Variants in HECW2 observed in about 807,000 individuals in gnomAD.
HECW2 encodes the protein E3 ubiquitin-protein ligase HECW2.
In HECW2, 61 loss-of-function variants were observed where a neutral mutation model predicts 175.2. That is an observed-to-expected ratio of 0.35 (90% CI 0.28 to 0.43). The LOEUF (loss-of-function observed/expected upper bound fraction) is 0.43. HECW2 is among the 20% of genes least tolerant of loss of function. HECW2 has a pLI of 1.00. For missense variants in HECW2, 1,524 were observed against 2,000.5 expected, an observed-to-expected ratio of 0.76 and a Z score of 4.54; for synonymous variants, 671 against 731.0, an observed-to-expected ratio of 0.92 and a Z score of 1.32.
At chr2:196,554,511 C>T (rs1410510984) in intron 1 of HECW2, among the ~76,000 whole-genome samples, 2 of 152,104 alleles carry the variant, frequency 1.3e-5, no homozygotes, top group East Asian at 1.9e-4. Context: ...AGTTGAAGCC[C>T]TGAGACCTTA....
intron 2 of HECW2, among the ~76,000 whole-genome samples, chr2:196,377,965 A>G (rs986192740): frequency 8.5e-5 from 13 of 152,238 alleles, no homozygotes; most frequent in African/African-American, 2.9e-4. Flanking sequence ...CAGTCTCACA[A>G]AGCATTTCTG....
At chr2:196,298,312 GA>G (rs1690894390) in intron 13 of HECW2, among the ~76,000 whole-genome samples, 1 of 152,010 alleles carries the variant, frequency 6.6e-6, no homozygotes, top group Non-Finnish European at 1.5e-5. Context: ...ACAACCATTA[GA>G]GGGCAGTAGA....
chr2:196,470,798 T>A (rs1697165335), intron 1 of HECW2, among the ~76,000 whole-genome samples: 1 of 152,094 alleles, frequency 6.6e-6, no homozygotes, highest in Non-Finnish European at 1.5e-5. Context: ...AAAGACAACA[T>A]TTTTTAAAAG....
intron 2 of HECW2, among the ~76,000 whole-genome samples, chr2:196,412,417 C>T (rs1440687276): frequency 6.6e-6 from 1 of 152,190 alleles, no homozygotes; most frequent in Non-Finnish European, 1.5e-5. Flanking sequence ...AATAAGACCA[C>T]ATTCTGAGGT....
In HECW2 at chr2:196,307,224, A is replaced by G; in HGVS notation, c.2595T>C (p.Ser865=). Residue 865 remains serine, a synonymous_variant, in exon 12 of 29, where the codon AGT becomes AGC. Transcript: ENST00000644978. The stretch of plus-strand genomic sequence containing the variant: ...TCTCATTGGTCATGGTTCTGCGGAT[A>G]CTCTGATATCTAAAATCATGAGCCT... ...QMEQLNRRYQ[S]IRRTMTNERP... 6.2e-7 allele frequency: 1 copy of G among 1,607,622 alleles called. No individual in the cohort carries two copies. Among genetic ancestry groups the G allele is most frequent in the Non-Finnish European group, 8.5e-7 (1 of 1,174,120 alleles).
Position 196,220,160 on chromosome 2 carries a change from A to T in HECW2, c.4294-7T>A. ...CCAGCCTGGCATCCACCACCTGTGG[A>T]ATAAAAAGAGTACAAGGCATGGCTT... On this transcript the variant is annotated splice_region_variant and splice_polypyrimidine_tract_variant and intron_variant, in intron 25 of 28. Transcript: ENST00000644978. 1 of 1,584,118 alleles carries T rather than the reference A, an allele frequency of 6.3e-7. No homozygotes were observed. The highest frequency in any genetic ancestry group is 1.3e-5 in the African/African-American group (1 of 74,458).
Position 196,353,133 on chromosome 2 carries a change from C to A in HECW2, c.293-9369G>T, listed in dbSNP as rs547453408. Among the ~76,000 whole-genome samples the A allele has an allele frequency of 5.7e-4, 87 of 152,286 alleles. 1 individual carries two copies. The highest frequency in any genetic ancestry group is 2.0e-3 in the African/African-American group (82 of 41,560). On this transcript the variant is annotated intron_variant, in intron 2 of 28. Transcript: ENST00000644978. ...CCTTACCCCCTTCCAGCCACATTGA[C>A]CTCCCTGATGTCCCCAAAGGTGTGG...
chr2:196,432,855 C>T (rs1235805332), intron 2 of HECW2, among the ~76,000 whole-genome samples: 1 of 152,152 alleles, frequency 6.6e-6, no homozygotes, highest in Non-Finnish European at 1.5e-5. Context: ...GGTGCAATTA[C>T]TTTTGCATCG....
rs543520563 is a variant in HECW2 at position 196,195,631 on chromosome 2, C to T, written c.*5646G>A. 2.0e-5 allele frequency: 3 copies of T among 152,174 alleles called. No individual in the cohort carries two copies. Among genetic ancestry groups the T allele is most frequent in the African/African-American group, 4.8e-5 (2 of 41,454 alleles). The allele number at this position is 152,174 out of a possible 1,614,324, so 9.4% of individuals were successfully genotyped here. The stretch of plus-strand genomic sequence containing the variant: ...GATTAACAGAGAGCATTTAAGTTAT[C>T]TTTAGAAATCATGAAAATGTCTCAA... On this transcript the variant is annotated 3_prime_UTR_variant, in exon 29 of 29. Coordinates refer to ENST00000644978, the MANE Select transcript of HECW2 (RefSeq NM_001348768.2).
chr2:196,271,078 G>T, intron 17 of HECW2, 115 bp downstream of exon 17: 1 of 666,790 alleles, frequency 1.5e-6, no homozygotes, highest in Non-Finnish European at 2.7e-6. Flanking sequence ...CATACAAGAT[G>T]TTTTGCAAAG....
At chr2:196,561,488 G>A (rs1163702786) in intron 1 of HECW2, among the ~76,000 whole-genome samples, 4 of 152,088 alleles carry the variant, frequency 2.6e-5, no homozygotes, top group African/African-American at 9.7e-5. Flanking sequence ...TGATCTTTGT[G>A]ACCCACACCC....
At chr2:196,329,997 C>A (rs1575422112) in intron 4 of HECW2, among the ~76,000 whole-genome samples, 1 of 152,088 alleles carries the variant, frequency 6.6e-6, no homozygotes, top group African/African-American at 2.4e-5. Context: ...AACCAAACAT[C>A]AAGTTCCTTC....
intron 1 of HECW2, among the ~76,000 whole-genome samples, chr2:196,552,261 G>C (rs1689624843): frequency 1.3e-5 from 2 of 152,152 alleles, no homozygotes; most frequent in African/African-American, 4.8e-5. Context: ...CTTCTTAAAG[G>C]CTGTGCAGCT....
chr2:196,320,729 C>T (rs1480905693), intron 7 of HECW2, among the ~76,000 whole-genome samples: 1 of 152,212 alleles, frequency 6.6e-6, no homozygotes, highest in African/African-American at 2.4e-5. Flanking sequence ...TTCACTCTCT[C>T]ACTTTTAAGG....
chr2:196,542,742 T>C (rs1460468371), intron 1 of HECW2, among the ~76,000 whole-genome samples: 1 of 151,120 alleles, frequency 6.6e-6, no homozygotes, highest in Non-Finnish European at 1.5e-5. Flanking sequence ...TAATGTAGGA[T>C]ACAAAGATAT....
At chr2:196,574,259 G>A (rs202241496) in intron 1 of HECW2, among the ~76,000 whole-genome samples, 24 of 151,986 alleles carry the variant, frequency 1.6e-4, no homozygotes, top group East Asian at 9.7e-4. Flanking sequence ...GTGAAACCCC[G>A]TGTCCACTAA....
intron 1 of HECW2, among the ~76,000 whole-genome samples, chr2:196,547,386 A>T (rs1215346951): frequency 1.3e-5 from 2 of 152,250 alleles, no homozygotes; most frequent in African/African-American, 4.8e-5. Flanking sequence ...CCTTTATAAT[A>T]TAAAAACTTT....
At chr2:196,220,993 TAAC>T (rs1559444538) in intron 24 of HECW2, 52 bp from the exon 25 acceptor site, 3 of 1,582,166 alleles carry the variant, frequency 1.9e-6, no homozygotes, top group Admixed American at 1.7e-5. Flanking sequence ...CTTAATGTTA[TAAC>T]AACATTACTA....
intron 28 of HECW2, among the ~76,000 whole-genome samples, chr2:196,208,186 T>G (rs886517078): frequency 3.3e-5 from 5 of 152,238 alleles, no homozygotes; most frequent in Non-Finnish European, 7.3e-5. Context: ...ATTTATTGAA[T>G]GATGTTTTAG....
Sources: gnomAD v4.1 joint callset for allele counts (sites outside exome capture counted in the v4.1 genomes callset) on GRCh38, gnomAD v4.1.1 for gene constraint, MANE v1.5 for transcripts, NCBI Gene and HGNC (gene_info 2026-07-23, HGNC 2026-07-21) for gene names.